Variants in PCDH11X observed in about 807,000 individuals in gnomAD.
PCDH11X encodes the protein protocadherin 11 X-linked.
A neutral mutation model predicts 53.3 loss-of-function variants in PCDH11X; 18 were observed. The ratio of observed to expected loss-of-function variants is 0.34; its 90% CI spans 0.23 to 0.50. The LOEUF (loss-of-function observed/expected upper bound fraction) is 0.50, where lower values mean the gene tolerates loss of function less well. PCDH11X is among the 20% of genes least tolerant of loss of function. The pLI is 0.98. For synonymous variants in PCDH11X, 279 were observed against 393.3 expected (o/e 0.71, Z 3.44); for missense variants, 570 against 1,032.4 (o/e 0.55, Z 6.14).
intron 8 of PCDH11X, among the ~76,000 whole-genome samples, chrX:92,284,669 T>C (rs1421174344): frequency 9.3e-6 from 1 of 108,006 alleles, no homozygotes; most frequent in African/African-American, 3.3e-5. Flanking sequence ...TTAAGAAAGC[T>C]AAAATTGTGT....
intron 6 of PCDH11X, among the ~76,000 whole-genome samples, chrX:92,076,156 GA>G (rs1225929321): frequency 6.5e-5 from 7 of 107,818 alleles, no homozygotes; most frequent in Non-Finnish European, 9.5e-5. Flanking sequence ...AAGATAAAGA[GA>G]AAAAATTCCG....
chrX:92,569,775 T>C, intron 10 of PCDH11X: 2 of 216,256 alleles, frequency 9.2e-6, no homozygotes, highest in Non-Finnish European at 1.8e-5. Context: ...CCCAGCACTT[T>C]GGGAGGCCGA....
chrX:92,358,231 A>C (rs1285274200), intron 8 of PCDH11X, among the ~76,000 whole-genome samples: 2 of 102,062 alleles, frequency 2.0e-5, no homozygotes, highest in Non-Finnish European at 4.0e-5. Context: ...GAAGGTAAAT[A>C]ATCATTAGAT....
intron 9 of PCDH11X, among the ~76,000 whole-genome samples, chrX:92,451,469 A>G (rs893658263): frequency 1.8e-5 from 2 of 111,398 alleles, no homozygotes; most frequent in Non-Finnish European, 3.8e-5. Context: ...ATGTGTATGC[A>G]AATTTTAAAA....
chrX:92,304,725 C>T (rs2068790760), intron 8 of PCDH11X, among the ~76,000 whole-genome samples: 1 of 111,886 alleles, frequency 8.9e-6, no homozygotes, highest in Non-Finnish European at 1.9e-5. Context: ...GGTTGCCATC[C>T]TTATGTTCTA....
At chrX:91,900,365 G>A (rs771559987) in intron 6 of PCDH11X, among the ~76,000 whole-genome samples, 109 of 110,784 alleles carry the variant, frequency 9.8e-4, no homozygotes, top group African/African-American at 3.4e-3. Flanking sequence ...ATGGGAACAG[G>A]AAGCAAAAAT....
At chrX:91,850,557 C>T (rs1937949712) in intron 5 of PCDH11X, among the ~76,000 whole-genome samples, 1 of 111,290 alleles carries the variant, frequency 9.0e-6, no homozygotes. Flanking sequence ...TACCATATTG[C>T]TCAATTATCA....
intron 6 of PCDH11X, among the ~76,000 whole-genome samples, chrX:91,932,588 G>C (rs1435579560): frequency 1.0e-5 from 1 of 100,333 alleles, no homozygotes; most frequent in Non-Finnish European, 2.0e-5. Context: ...GGGAGAAATG[G>C]AGGAAGAGAG....
At chrX:92,093,536 G>A (rs34349163) in intron 6 of PCDH11X, among the ~76,000 whole-genome samples, 76 of 111,624 alleles carry the variant, frequency 6.8e-4, no homozygotes, top group African/African-American at 2.2e-3. Context: ...TAAGAATTCC[G>A]TAAGGAAATT....
chrX:92,124,967 T>C (rs761605280), intron 6 of PCDH11X, among the ~76,000 whole-genome samples: 1 of 112,018 alleles, frequency 8.9e-6, no homozygotes, highest in African/African-American at 3.2e-5. Flanking sequence ...GTCTGGCACA[T>C]AGTATGAACT....
At chrX:92,083,906 T>C (rs1227975180) in intron 6 of PCDH11X, among the ~76,000 whole-genome samples, 1 of 109,878 alleles carries the variant, frequency 9.1e-6, no homozygotes, top group Non-Finnish European at 1.9e-5. Context: ...CTGACCAAAG[T>C]GGTAAAATCC....
intron 8 of PCDH11X, among the ~76,000 whole-genome samples, chrX:92,303,616 T>A (rs1044182449): frequency 2.7e-5 from 3 of 111,992 alleles, no homozygotes; most frequent in African/African-American, 9.7e-5. Context: ...ACTGTGAATA[T>A]ATTTGCATCT....
chrX:92,103,752 C>T (rs35618573), intron 6 of PCDH11X, among the ~76,000 whole-genome samples: 1 of 111,955 alleles, frequency 8.9e-6, no homozygotes, highest in East Asian at 2.8e-4. Context: ...ACAGTTCAGG[C>T]GTTTGGAAGT....
chrX:92,546,427 C>A (rs1342901090), intron 10 of PCDH11X, among the ~76,000 whole-genome samples: 1 of 111,262 alleles, frequency 9.0e-6, no homozygotes, highest in Non-Finnish European at 1.9e-5. Flanking sequence ...TTAGAAAATT[C>A]TTATCTCTCT....
intron 6 of PCDH11X, among the ~76,000 whole-genome samples, chrX:91,923,134 T>A (rs1194765500): frequency 5.6e-5 from 6 of 106,641 alleles, no homozygotes; most frequent in Non-Finnish European, 1.2e-4. Flanking sequence ...GGCATAATTA[T>A]GACCTCATTA....
chrX:92,338,039 G>A (rs1286258666), intron 8 of PCDH11X, among the ~76,000 whole-genome samples: 2 of 111,062 alleles, frequency 1.8e-5, no homozygotes, highest in East Asian at 2.8e-4. Flanking sequence ...GGTTGGGGGG[G>A]TGTGGGTGTT....
chrX:92,498,366 T>C (rs948960791), intron 10 of PCDH11X, among the ~76,000 whole-genome samples: 15 of 110,722 alleles, frequency 1.4e-4, no homozygotes, highest in African/African-American at 3.9e-4. Context: ...GTATCACATA[T>C]GTTATGCCAG....
chrX:92,475,622 C>T (rs1053067078), intron 10 of PCDH11X, among the ~76,000 whole-genome samples: 3 of 111,495 alleles, frequency 2.7e-5, no homozygotes, highest in Non-Finnish European at 5.7e-5. Context: ...TTATTTTTGA[C>T]CTTTGGGAGT....
At chrX:92,346,537 A>C (rs1019591320) in intron 8 of PCDH11X, among the ~76,000 whole-genome samples, 1 of 111,835 alleles carries the variant, frequency 8.9e-6, no homozygotes, top group African/African-American at 3.2e-5. Flanking sequence ...TCTTCTCAGA[A>C]AATAACACTT....
Sources: allele counts gnomAD v4.1 joint callset (sites outside exome capture counted in the v4.1 genomes callset), GRCh38; gene constraint gnomAD v4.1.1; transcripts MANE v1.5; gene names NCBI Gene and HGNC (gene_info 2026-07-23, HGNC 2026-07-21).